BIRC5: variants seen among roughly 807,000 people sequenced by gnomAD.
The protein encoded by BIRC5 is baculoviral IAP repeat containing 5.
BIRC5 carries 8 observed loss-of-function variants against 15.8 expected under a neutral mutation model. That is an observed-to-expected ratio of 0.51 (90% CI 0.30 to 0.91). BIRC5 has a LOEUF of 0.91. BIRC5 is among the 40% of genes least tolerant of loss of function. The pLI, the probability that BIRC5 is intolerant of heterozygous loss-of-function variation, is 0.07. For synonymous variants in BIRC5, 56 were observed against 64.5 expected, an observed-to-expected ratio of 0.87 and a Z score of 0.63; for missense variants, 163 against 178.6, an observed-to-expected ratio of 0.91 and a Z score of 0.50.
intron 3 of BIRC5, among the ~76,000 whole-genome samples, chr17:78,222,072 G>A (rs888509268): frequency 2.0e-5 from 3 of 151,912 alleles, no homozygotes; most frequent in Non-Finnish European, 2.9e-5. Context: ...ATGGTGGCAC[G>A]TGCCTGTAGT....
intron 3 of BIRC5, chr17:78,222,922 T>C (rs977226555): frequency 2.0e-5 from 31 of 1,534,026 alleles, no homozygotes; most frequent in Non-Finnish European, 2.4e-5. Context: ...AGCCTGATGT[T>C]TGCCAGGGTC....
chr17:78,215,977 C>T (rs781190694), intron 2 of BIRC5: 6 of 1,064,184 alleles, frequency 5.6e-6, no homozygotes, highest in Admixed American at 4.0e-5. Flanking sequence ...GGGCCGGGCA[C>T]GGTGGCTTAC....
At chr17:78,222,817 T>G (rs1324777799) in intron 3 of BIRC5, 15 of 1,535,880 alleles carry the variant, frequency 9.8e-6, no homozygotes, top group Middle Eastern at 1.7e-4. Context: ...TGATTGTCAT[T>G]TGCCCCTTAG....
intron 2 of BIRC5, among the ~76,000 whole-genome samples, chr17:78,215,310 G>A (rs368607298): frequency 6.6e-6 from 1 of 152,210 alleles, no homozygotes; most frequent in East Asian, 1.9e-4. Flanking sequence ...CCAGCTACTC[G>A]GGAGGCTAAG....
rs899470863 is a variant in BIRC5 at position 78,214,439 on chromosome 17, C to A, written c.111+12C>A. The A allele has an allele frequency of 2.6e-6, 4 of 1,540,670 alleles. No individual in the cohort carries two copies. Among genetic ancestry groups the A allele is most frequent in the African/African-American group, 1.4e-5 (1 of 72,510 alleles). ...GCACCCCGGAGCGGGTGAGACTGCC[C>A]GGCCTCCTGGGGTCCCCCACGCCCG... On this transcript the variant is annotated intron_variant, in intron 1 of 3. Transcript: ENST00000350051.
intron 2 of BIRC5, 73 bp from the exon 3 acceptor site, chr17:78,216,591 G>A: frequency 2.3e-6 from 3 of 1,286,544 alleles, no homozygotes; most frequent in Non-Finnish European, 3.4e-6. Context: ...GGCGTGGGGA[G>A]GTGGCCCGTG....
chr17:78,220,715 A>G (rs1424345571), intron 3 of BIRC5, among the ~76,000 whole-genome samples: 2 of 151,734 alleles, frequency 1.3e-5, no homozygotes, highest in Non-Finnish European at 2.9e-5. Flanking sequence ...TTGAAACAAT[A>G]TAATCTTTTT....
In BIRC5 at chr17:78,214,801, C is replaced by A; in HGVS notation, c.221+12C>A. On this transcript the variant is annotated intron_variant, in intron 2 of 3. Transcript: ENST00000350051. ...GATGACGACCCCATGTAAGTCTTCT[C>A]TGGCCAGCCTCGATGGGCTTTGTTT... The A allele has an allele frequency of 1.2e-6, 2 of 1,603,244 alleles. No homozygotes were observed. Among genetic ancestry groups the A allele is most frequent in the East Asian group, 4.5e-5 (2 of 44,362 alleles).
rs1269724351 is a variant in BIRC5 at position 78,224,791 on chromosome 17, A to G, written c.*1237A>G. 1.3e-5 allele frequency: 2 copies of G among 152,188 alleles called. No individual in the cohort carries two copies. The highest frequency in any genetic ancestry group is 2.9e-5 in the Non-Finnish European group (2 of 68,036). The allele number at this position is 152,188 out of a possible 1,614,324, so 9.4% of individuals were successfully genotyped here. Reference sequence around the variant, plus strand: ...AACAGCCATCTGCCCAGACAGCCGCAGTGAGGATGAGCGTCCTGGCAGAGA... The same window carrying G: ...AACAGCCATCTGCCCAGACAGCCGCGGTGAGGATGAGCGTCCTGGCAGAGA... On this transcript the variant is annotated 3_prime_UTR_variant, in exon 4 of 4. Coordinates refer to ENST00000350051, the MANE Select transcript of BIRC5 (RefSeq NM_001168.3).
At chr17:78,214,833 GA>G (rs1415685311) in intron 2 of BIRC5, 44 bp downstream of exon 2, 89 of 1,538,394 alleles carry the variant, frequency 5.8e-5, no homozygotes, top group Non-Finnish European at 7.8e-5. Flanking sequence ...GTTTTGAACT[GA>G]GTTGTCAAAA....
chr17:78,223,361 G>A, intron 3 of BIRC5, 104 bp from the exon 4 acceptor site: 1 of 1,115,404 alleles, frequency 9.0e-7, no homozygotes, highest in Non-Finnish European at 1.2e-6. Flanking sequence ...TTATTTAGGT[G>A]CTCTCTCAGT....
In BIRC5 at chr17:78,225,404, C is replaced by G. The variant is rs1486073579; in HGVS notation, c.*1850C>G. On this transcript the variant is annotated 3_prime_UTR_variant, in exon 4 of 4. Transcript: ENST00000350051. The stretch of plus-strand genomic sequence containing the variant: ...TCCACATGTCCATTTTTCAGGTTCT[C>G]TAAGTTGGAGTGGAGTCTGGGAAGG... 1 of 152,240 alleles carries G rather than the reference C, an allele frequency of 6.6e-6. No homozygotes were observed. Among genetic ancestry groups the G allele is most frequent in the Non-Finnish European group, 1.5e-5 (1 of 68,066 alleles). 9.4% of individuals were successfully genotyped at this position (152,240 alleles called of 1,614,324 possible). A position where few individuals can be genotyped will look rare whatever the true frequency, so the allele number is the denominator to read the frequency against.
intron 3 of BIRC5, among the ~76,000 whole-genome samples, chr17:78,221,386 G>A (rs897229960): frequency 1.3e-4 from 20 of 152,160 alleles, no homozygotes; most frequent in African/African-American, 4.8e-4. Flanking sequence ...CAGTAGCTGG[G>A]ACTACAGGCG....
rs2076540034 is a variant in BIRC5 at position 78,224,913 on chromosome 17, A to G, written c.*1359A>G. The G allele has an allele frequency of 1.3e-5, 2 of 152,188 alleles. No individual in the cohort carries two copies. Among genetic ancestry groups the G allele is most frequent in the Admixed American group, 6.5e-5 (1 of 15,282 alleles). 9.4% of individuals were successfully genotyped at this position (152,188 alleles called of 1,614,324 possible). On this transcript the variant is annotated 3_prime_UTR_variant, in exon 4 of 4. Coordinates refer to ENST00000350051, the MANE Select transcript of BIRC5 (RefSeq NM_001168.3). ...GCAGAAACAACTGAAAATGCACTTC[A>G]GACCCACTTATTTCTGCCACATCTG...
chr17:78,220,609 G>T (rs565753745), intron 3 of BIRC5, among the ~76,000 whole-genome samples: 9 of 152,206 alleles, frequency 5.9e-5, no homozygotes, highest in Non-Finnish European at 1.3e-4. Flanking sequence ...TTTAAAAACT[G>T]CTTGGCTTTT....
Position 78,216,784 on chromosome 17 carries a change from A to G in BIRC5, c.339+3A>G, listed in dbSNP as rs2076481323. The G allele has an allele frequency of 1.2e-6, 2 of 1,607,858 alleles. No individual in the cohort carries two copies. Among genetic ancestry groups the G allele is most frequent in the Non-Finnish European group, 8.5e-7 (1 of 1,175,410 alleles). On this transcript the variant is annotated splice_donor_region_variant and intron_variant, in intron 3 of 3. Coordinates refer to ENST00000350051, the MANE Select transcript of BIRC5 (RefSeq NM_001168.3). ...GAGAAAGAGCCAAGAACAAAATTGTATGTATTGGGAATAAGAACTGCTCAA... is the reference window on the plus strand; with the variant it reads ...GAGAAAGAGCCAAGAACAAAATTGTGTGTATTGGGAATAAGAACTGCTCAA...
intron 3 of BIRC5, among the ~76,000 whole-genome samples, chr17:78,220,406 C>G (rs1381444331): frequency 6.8e-6 from 1 of 146,924 alleles, no homozygotes; most frequent in Non-Finnish European, 1.5e-5. Context: ...CCAGCCTGGG[C>G]GACAGAGCGA....
intron 3 of BIRC5, chr17:78,223,046 C>T (rs1408673017): frequency 6.8e-6 from 4 of 588,406 alleles, no homozygotes; most frequent in Non-Finnish European, 8.6e-6. Context: ...GGTGCCTAGA[C>T]TAGCTGGGGT....
intron 3 of BIRC5, among the ~76,000 whole-genome samples, chr17:78,217,257 C>G (rs907275356): frequency 2.6e-5 from 4 of 151,232 alleles, no homozygotes; most frequent in African/African-American, 7.3e-5. Flanking sequence ...ATCACTGCAA[C>G]CTCCGCCTCC....
Sources: allele counts gnomAD v4.1 joint callset (sites outside exome capture counted in the v4.1 genomes callset), GRCh38; gene constraint gnomAD v4.1.1; transcripts MANE v1.5; gene names NCBI Gene and HGNC (gene_info 2026-07-23, HGNC 2026-07-21).